Variants in HACD3 observed in about 807,000 individuals in gnomAD.
HACD3 encodes the protein very-long-chain (3R)-3-hydroxyacyl-CoA dehydratase 3.
Under a neutral mutation model 55.2 loss-of-function variants are expected in HACD3, and 30 were observed. The observed-to-expected ratio is 0.54, with a 90% CI of 0.41 to 0.74. HACD3 has a LOEUF of 0.74. Ranked by LOEUF, HACD3 falls within the 30% of genes least tolerant of loss-of-function variation. The pLI is 0.00. For synonymous variants in HACD3, 141 were observed against 151.7 expected (o/e 0.93, Z 0.52); for missense variants, 363 against 440.1 (o/e 0.82, Z 1.57).
chr15:65,568,048 G>C (rs112944778), intron 7 of HACD3, among the ~76,000 whole-genome samples: 6 of 151,322 alleles, frequency 4.0e-5, no homozygotes, highest in African/African-American at 1.5e-4. Context: ...TCAGCCTCCC[G>C]AGTAGCTAGG....
At chr15:65,531,125 G>A (rs2071893701) in intron 1 of HACD3, 1 of 155,954 alleles carries the variant, frequency 6.4e-6, no homozygotes. Context: ...CGGCTTGCTG[G>A]GCCGTAGCTG....
rs1335468436 is a variant in HACD3 at position 65,557,010 on chromosome 15, A to G, written c.369+107A>G. ...GGTCTGAAAGAATAGCTACAAAGTT[A>G]CAAATTCATTTAAAGACCTGGTGAT... On this transcript the variant is annotated intron_variant, in intron 4 of 10. Coordinates refer to ENST00000261875, the MANE Select transcript of HACD3 (RefSeq NM_016395.4). 7 of 1,119,012 alleles carry G rather than the reference A, an allele frequency of 6.3e-6. No individual in the cohort carries two copies. The East Asian group carries it at 1.8e-4, about 29-fold the overall frequency. 69.3% of individuals were successfully genotyped at this position (1,119,012 alleles called of 1,614,324 possible).
intron 7 of HACD3, among the ~76,000 whole-genome samples, chr15:65,569,702 C>T (rs868772936): frequency 2.6e-5 from 4 of 151,962 alleles, no homozygotes; most frequent in African/African-American, 4.8e-5. Flanking sequence ...AGCGAGACCC[C>T]GTCTCGATAA....
intron 1 of HACD3, among the ~76,000 whole-genome samples, chr15:65,539,167 G>C (rs934472010): frequency 4.1e-5 from 6 of 144,682 alleles, no homozygotes; most frequent in Admixed American, 3.5e-4. Context: ...AATTGAAAAA[G>C]CCTGACATGA....
At position 65,551,630 on chromosome 15, in the gene HACD3, T is replaced by A. The variant is rs762035611; in HGVS notation, c.88-46T>A. The A allele has an allele frequency of 8.1e-6, 13 of 1,609,628 alleles. No homozygotes were observed. The East Asian group carries it at 2.9e-4, about 36-fold the overall frequency. On this transcript the variant is annotated intron_variant, in intron 1 of 10. Transcript: ENST00000261875. ...AAGCCCCTTGTTTAATCTCATTTTTTCTCTTCATTAAAATGCCTTCTTGCA... is the reference window on the plus strand; with the variant it reads ...AAGCCCCTTGTTTAATCTCATTTTTACTCTTCATTAAAATGCCTTCTTGCA...
intron 1 of HACD3, among the ~76,000 whole-genome samples, chr15:65,548,430 T>C (rs2072097654): frequency 6.7e-6 from 1 of 150,348 alleles, no homozygotes; most frequent in South Asian, 2.1e-4. Context: ...GGAGGATCCT[T>C]GAGCCTGGGA....
intron 9 of HACD3, 49 bp downstream of exon 9, chr15:65,571,703 C>T: frequency 7.0e-7 from 1 of 1,435,868 alleles, no homozygotes; most frequent in Non-Finnish European, 9.7e-7. Context: ...AGGGGGTACC[C>T]AGAGGCTGAG....
chr15:65,563,902 G>A (rs1215407736), intron 6 of HACD3, among the ~76,000 whole-genome samples: 2 of 152,032 alleles, frequency 1.3e-5, no homozygotes, highest in Admixed American at 6.6e-5. Flanking sequence ...CCCAGGAGGC[G>A]GGGGTTGCAG....
chr15:65,569,692 AG>A (rs1018123752), intron 7 of HACD3, among the ~76,000 whole-genome samples: 10 of 152,202 alleles, frequency 6.6e-5, no homozygotes, highest in African/African-American at 2.4e-4. Context: ...CGGGTGACGG[AG>A]CGAGACCCCG....
At position 65,564,256 on chromosome 15, in the gene HACD3, T is replaced by C. The variant is rs1404427048; in HGVS notation, c.574T>C (p.Tyr192His). The C allele has an allele frequency of 5.6e-6, 9 of 1,613,596 alleles. No individual in the cohort carries two copies. The highest frequency in any genetic ancestry group is 2.7e-5 in the African/African-American group (2 of 74,902). The change falls in exon 7 of 11, where the codon TAT becomes CAT. Residue 192 changes from tyrosine to histidine, a missense_variant. Physicochemically the swap from Tyr to His is moderately conservative, Grantham distance 83 (BLOSUM62 2). Transcript: ENST00000261875. Reference protein sequence around the residue: ...DTFHTVADMMYFCQMLAVVET... With the variant: ...DTFHTVADMMHFCQMLAVVET... ...ATTCCATACTGTGGCTGACATGATG[T>C]ATTTCTGCCAGATGCTGGCAGTTGT...
chr15:65,537,959 ATATATATATATATAT>A (rs372143449), intron 1 of HACD3, among the ~76,000 whole-genome samples: 1 of 4,050 alleles, frequency 2.5e-4, no homozygotes, highest in Non-Finnish European at 4.3e-4. Flanking sequence ...AAAAAAAAAA[ATATATATATATATAT>A]ATATATATAT....
At chr15:65,553,392 C>T (rs771210694) in intron 2 of HACD3, among the ~76,000 whole-genome samples, 1 of 152,038 alleles carries the variant, frequency 6.6e-6, no homozygotes, top group East Asian at 1.9e-4. Context: ...CTCTATCTGC[C>T]TTCTCCTCAG....
chr15:65,549,329 T>C lies in HACD3; in HGVS notation c.88-2347T>C, dbSNP rs1164075518. 4.7e-5 allele frequency among the ~76,000 whole-genome samples: 7 copies of C among 150,498 alleles called. No homozygotes were observed. The East Asian group carries it at 1.4e-3, about 30-fold the overall frequency. On this transcript the variant is annotated intron_variant, in intron 1 of 10. Coordinates refer to ENST00000261875, the MANE Select transcript of HACD3 (RefSeq NM_016395.4). ...CCAGCCTGGTGCGGTGGCTCACAGC[T>C]GTAGTCCCAGCACTTTGGGAGGCCG...
At chr15:65,566,813 T>TAGG (rs1296200031) in intron 7 of HACD3, 4 of 152,374 alleles carry the variant, frequency 2.6e-5, no homozygotes, top group South Asian at 2.1e-4. Context: ...AGTAGACTTT[T>TAGG]ACTATTTCAG....
intron 2 of HACD3, 46 bp downstream of exon 2, chr15:65,551,764 G>A (rs773475128): frequency 6.3e-7 from 1 of 1,593,570 alleles, no homozygotes; most frequent in Non-Finnish European, 8.6e-7. Context: ...CAGTTAAGGA[G>A]GTGTGGTGGT....
intron 6 of HACD3, 65 bp downstream of exon 6, chr15:65,562,949 G>T (rs749497150): frequency 6.3e-7 from 1 of 1,585,946 alleles, no homozygotes; most frequent in Non-Finnish European, 8.6e-7. Flanking sequence ...TTCACCAAAG[G>T]GAGCACTCTC....
At chr15:65,556,007 A>G (rs1282259474) in intron 3 of HACD3, among the ~76,000 whole-genome samples, 2 of 152,124 alleles carry the variant, frequency 1.3e-5, no homozygotes, top group Non-Finnish European at 2.9e-5. Context: ...ATCCTCCTGT[A>G]TCATTCACTG....
chr15:65,544,501 G>A (rs2072054192), intron 1 of HACD3, among the ~76,000 whole-genome samples: 1 of 152,138 alleles, frequency 6.6e-6, no homozygotes, highest in African/African-American at 2.4e-5. Context: ...GCTACCATTG[G>A]GGGAAACTAG....
chr15:65,569,935 C>A (rs2072331879), intron 7 of HACD3, among the ~76,000 whole-genome samples, 156 bp from the exon 8 acceptor site: 1 of 150,526 alleles, frequency 6.6e-6, no homozygotes. Flanking sequence ...GGTTTGGGCA[C>A]TTTACTTGTT....
Sources: allele counts gnomAD v4.1 joint callset (sites outside exome capture counted in the v4.1 genomes callset), GRCh38; gene constraint gnomAD v4.1.1; transcripts MANE v1.5; gene names NCBI Gene and HGNC (gene_info 2026-07-23, HGNC 2026-07-21).